MAF: variants seen among roughly 807,000 people sequenced by gnomAD.
The protein encoded by MAF is transcription factor Maf.
A neutral mutation model predicts 22.0 loss-of-function variants in MAF; 10 were observed. The ratio of observed to expected loss-of-function variants is 0.45; its 90% CI spans 0.28 to 0.77. The LOEUF is 0.77. Among genes scored for constraint, MAF ranks in the 30% least tolerant of loss-of-function variants. MAF has a pLI of 0.12. For synonymous variants in MAF, 337 were observed against 255.8 expected, an observed-to-expected ratio of 1.32 and a Z score of -3.03; for missense variants, 544 against 548.4, an observed-to-expected ratio of 0.99 and a Z score of 0.08.
the MAF span, among the ~76,000 whole-genome samples, chr16:79,213,162 G>A: frequency 1.7e-4 from 26 of 152,242 alleles, no homozygotes; most frequent in Middle Eastern, 3.4e-3. Flanking sequence ...CTGGCAAGAC[G>A]GAGAAAATGC....
the MAF span, among the ~76,000 whole-genome samples, chr16:79,579,478 A>T: frequency 6.6e-6 from 1 of 152,164 alleles, no homozygotes; most frequent in Non-Finnish European, 1.5e-5. Flanking sequence ...AAAACCCCAA[A>T]GTCGGTTTTT....
the MAF span, among the ~76,000 whole-genome samples, chr16:79,402,670 G>T: frequency 1.4e-4 from 21 of 152,244 alleles, no homozygotes; most frequent in African/African-American, 5.1e-4. Flanking sequence ...TTGGATAAAG[G>T]CCAAAGGGCC....
At chr16:79,280,006 G>C in the MAF span, among the ~76,000 whole-genome samples, 4 of 152,200 alleles carry the variant, frequency 2.6e-5, no homozygotes, top group Non-Finnish European at 5.9e-5. Context: ...GGTTTCTGCT[G>C]CCCCTGTCAC....
the MAF span, among the ~76,000 whole-genome samples, chr16:79,495,132 G>A: frequency 2.6e-5 from 4 of 152,064 alleles, no homozygotes; most frequent in African/African-American, 7.2e-5. Context: ...TTTGGTAGGC[G>A]TGATTGATTA....
the MAF span, among the ~76,000 whole-genome samples, chr16:79,373,861 A>G: frequency 6.6e-6 from 1 of 152,224 alleles, no homozygotes; most frequent in African/African-American, 2.4e-5. Context: ...TCCTTTTAAA[A>G]TAAATTACCC....
chr16:79,344,946 A>T, the MAF span, among the ~76,000 whole-genome samples: 1 of 152,232 alleles, frequency 6.6e-6, no homozygotes, highest in South Asian at 2.1e-4. Flanking sequence ...ATTAAAAAGA[A>T]GGAATATTCT....
Position 79,599,168 on chromosome 16 carries a change from G to A in MAF, c.735C>T (p.Ala245=). ...GGGGAAGAGG[A]LHPHHAAGGL... ...CGCCGGCGGCGTGGTGCGGGTGCAG[G>A]GCGCCCCCCGCCCCCGCCGCGCCCC... The change falls in exon 1 of 2, where the codon GCC becomes GCT. Residue 245 remains alanine, a synonymous_variant. Transcript: ENST00000326043. 2.2e-6 allele frequency: 3 copies of A among 1,338,500 alleles called. No homozygotes were observed. The highest frequency in any genetic ancestry group is 1.5e-5 in the African/African-American group (1 of 66,856). 82.9% of individuals were successfully genotyped at this position (1,338,500 alleles called of 1,614,324 possible). A position where few individuals can be genotyped will look rare whatever the true frequency, so the allele number is the denominator to read the frequency against.
chr16:79,449,334 C>T, the MAF span, among the ~76,000 whole-genome samples: 2 of 152,176 alleles, frequency 1.3e-5, no homozygotes, highest in Admixed American at 1.3e-4. Context: ...TTGGGGAACC[C>T]TGGTATAAAC....
At chr16:79,216,953 G>A in the MAF span, among the ~76,000 whole-genome samples, 1 of 151,994 alleles carries the variant, frequency 6.6e-6, no homozygotes, top group Non-Finnish European at 1.5e-5. Flanking sequence ...GGAATTACAG[G>A]CACCCGCCAC....
chr16:79,376,798 T>C, the MAF span, among the ~76,000 whole-genome samples: 2 of 152,186 alleles, frequency 1.3e-5, no homozygotes, highest in Non-Finnish European at 2.9e-5. Flanking sequence ...CTTGTGACAG[T>C]TTGCCGAGAA....
chr16:79,290,226 G>A, the MAF span, among the ~76,000 whole-genome samples: 2 of 152,162 alleles, frequency 1.3e-5, no homozygotes, highest in African/African-American at 2.4e-5. Flanking sequence ...AGATAAAAGA[G>A]TTGTCTCCTG....
At chr16:79,341,991 C>T in the MAF span, among the ~76,000 whole-genome samples, 3 of 152,230 alleles carry the variant, frequency 2.0e-5, no homozygotes, top group African/African-American at 4.8e-5. Flanking sequence ...TTATGAACAA[C>T]AACAAAATTT....
At chr16:79,230,896 T>C in the MAF span, among the ~76,000 whole-genome samples, 2 of 152,082 alleles carry the variant, frequency 1.3e-5, no homozygotes, top group East Asian at 3.8e-4. Flanking sequence ...GTAATTCTTT[T>C]TCTGATCCTA....
chr16:79,381,430 A>G, the MAF span, among the ~76,000 whole-genome samples: 49 of 152,312 alleles, frequency 3.2e-4, 1 homozygote, highest in East Asian at 8.7e-3. Context: ...ACCCTGGGAA[A>G]ACAGAAGGAA....
At chr16:79,524,473 G>A in the MAF span, among the ~76,000 whole-genome samples, 1 of 152,328 alleles carries the variant, frequency 6.6e-6, no homozygotes, top group Non-Finnish European at 1.5e-5. Flanking sequence ...CTCGGCATGA[G>A]ATCCCAAAGG....
the MAF span, among the ~76,000 whole-genome samples, chr16:79,554,081 T>C: frequency 1.3e-5 from 2 of 150,356 alleles, no homozygotes; most frequent in South Asian, 4.2e-4. Context: ...AGAGTAAGAC[T>C]GCCTCTCAAA....
the MAF span, among the ~76,000 whole-genome samples, chr16:79,455,081 A>G: frequency 6.6e-6 from 1 of 151,120 alleles, no homozygotes; most frequent in African/African-American, 2.4e-5. Context: ...GGGCAACAAG[A>G]GCGAAACTCC....
chr16:79,482,081 G>A, the MAF span, among the ~76,000 whole-genome samples: 79 of 152,284 alleles, frequency 5.2e-4, no homozygotes, highest in Admixed American at 3.9e-4. Flanking sequence ...AAAAAGAGAT[G>A]TGAAAAGTGT....
At chr16:79,459,956 C>T in the MAF span, among the ~76,000 whole-genome samples, 1 of 152,092 alleles carries the variant, frequency 6.6e-6, no homozygotes, top group Non-Finnish European at 1.5e-5. Context: ...ATCAAGGAAG[C>T]GTATTTGCTG....
Sources: allele counts gnomAD v4.1 joint callset (sites outside exome capture counted in the v4.1 genomes callset), GRCh38; gene constraint gnomAD v4.1.1; transcripts MANE v1.5; gene names NCBI Gene and HGNC (gene_info 2026-07-23, HGNC 2026-07-21).